Variants in IL17RD observed in about 807,000 individuals in gnomAD.
IL17RD encodes interleukin-17 receptor D.
Under a neutral mutation model 80.5 loss-of-function variants are expected in IL17RD, and 52 were observed. The ratio of observed to expected loss-of-function variants is 0.65; its 90% CI spans 0.52 to 0.81. The LOEUF is 0.81. IL17RD is among the 40% of genes least tolerant of loss of function. The pLI is 0.00. For synonymous variants in IL17RD, 416 were observed against 391.8 expected, an observed-to-expected ratio of 1.06 and a Z score of -0.73; for missense variants, 1,024 against 955.1, an observed-to-expected ratio of 1.07 and a Z score of -0.95.
intron 1 of IL17RD, among the ~76,000 whole-genome samples, chr3:57,154,696 C>G (rs2060256162): frequency 6.6e-6 from 1 of 152,172 alleles, no homozygotes; most frequent in African/African-American, 2.4e-5. Context: ...CATGCCAGCA[C>G]TGGGAACTCA....
At chr3:57,150,125 T>C (rs1708024402) in intron 1 of IL17RD, among the ~76,000 whole-genome samples, 1 of 152,140 alleles carries the variant, frequency 6.6e-6, no homozygotes, top group South Asian at 2.1e-4. Flanking sequence ...GGCCTTCCCC[T>C]GGAAATCCCA....
Position 57,111,893 on chromosome 3 carries a change from C to T in IL17RD, c.311-1582G>A, listed in dbSNP as rs144690899. 8.6e-3 allele frequency among the ~76,000 whole-genome samples: 1,293 copies of T among 150,198 alleles called. 18 individuals are homozygous for T. Among genetic ancestry groups the T allele is most frequent in the African/African-American group, 0.03 (1,224 of 40,810 alleles). The stretch of plus-strand genomic sequence containing the variant: ...AGGAGAATGGTGTGAACCTGGGAGG[C>T]GGAGCTTGCAGTGAGCTGAGATCAT... On this transcript the variant is annotated intron_variant, in intron 3 of 12. Transcript: ENST00000296318.
At chr3:57,124,659 T>C (rs758507726) in intron 1 of IL17RD, among the ~76,000 whole-genome samples, 31 of 152,164 alleles carry the variant, frequency 2.0e-4, no homozygotes, top group Non-Finnish European at 3.8e-4. Flanking sequence ...TTAAGATCCG[T>C]TTTAGAATTC....
intron 1 of IL17RD, among the ~76,000 whole-genome samples, chr3:57,142,724 G>A (rs1256718839): frequency 6.6e-6 from 1 of 151,986 alleles, no homozygotes; most frequent in Non-Finnish European, 1.5e-5. Flanking sequence ...AGACTTTGAA[G>A]GCCAAAAATT....
At position 57,091,030 on chromosome 3, in the gene IL17RD, A is replaced by G. The variant is rs1023845938; in HGVS notation, c.*5363T>C. The G allele has an allele frequency of 2.0e-5, 3 of 152,730 alleles. No homozygotes were observed. Among genetic ancestry groups the G allele is most frequent in the South Asian group, 2.1e-4 (1 of 4,830 alleles). 9.5% of individuals were successfully genotyped at this position (152,730 alleles called of 1,614,324 possible). A position where few individuals can be genotyped will look rare whatever the true frequency, so the allele number is the denominator to read the frequency against. ...GACAACTGGCCAAAATTCCCCAGACATCTTCACTGGGAGATTCAAATGTCT... is the reference window on the plus strand; with the variant it reads ...GACAACTGGCCAAAATTCCCCAGACGTCTTCACTGGGAGATTCAAATGTCT... On this transcript the variant is annotated 3_prime_UTR_variant, in exon 13 of 13. Transcript: ENST00000296318.
intron 3 of IL17RD, among the ~76,000 whole-genome samples, chr3:57,112,903 G>A (rs1579274564): frequency 6.6e-6 from 1 of 152,212 alleles, no homozygotes; most frequent in South Asian, 2.1e-4. Flanking sequence ...ACCAGGTTCT[G>A]ATCATGGTAA....
intron 3 of IL17RD, among the ~76,000 whole-genome samples, chr3:57,111,756 G>A (rs931678456): frequency 6.6e-6 from 1 of 151,666 alleles, no homozygotes; most frequent in Non-Finnish European, 1.5e-5. Flanking sequence ...GAATCACAAG[G>A]TCAGGAGATT....
intron 1 of IL17RD, among the ~76,000 whole-genome samples, chr3:57,154,281 T>TACACACACAC (rs1333665315): frequency 1.3e-4 from 17 of 133,126 alleles, no homozygotes; most frequent in African/African-American, 4.6e-4. Flanking sequence ...TATATATATA[T>TACACACACAC]ATACACACAC....
At chr3:57,113,961 G>A (rs1299714502) in intron 3 of IL17RD, among the ~76,000 whole-genome samples, 2 of 151,772 alleles carry the variant, frequency 1.3e-5, no homozygotes, top group Admixed American at 1.3e-4. Context: ...CGAGGCGGGC[G>A]GATCACGAGG....
At position 57,095,290 on chromosome 3, in the gene IL17RD, G is replaced by C. The variant is rs1706647509; in HGVS notation, c.*1103C>G. The C allele has an allele frequency of 6.6e-6, 1 of 152,122 alleles. No individual in the cohort carries two copies. Among genetic ancestry groups the C allele is most frequent in the Admixed American group, 6.5e-5 (1 of 15,268 alleles). 9.4% of individuals were successfully genotyped at this position (152,122 alleles called of 1,614,324 possible). A position where few individuals can be genotyped will look rare whatever the true frequency, so the allele number is the denominator to read the frequency against. ...ATCATCAGATGGGATGTGAACAATT[G>C]TTTTTTCTTTAGAAATAGAAACTCT... On this transcript the variant is annotated 3_prime_UTR_variant, in exon 13 of 13. Transcript: ENST00000296318.
chr3:57,165,461 C>T (rs1337168420), upstream of IL17RD: 1 of 377,802 alleles, frequency 2.6e-6, no homozygotes, highest in African/African-American at 2.2e-5. Flanking sequence ...TGGCCCCGCC[C>T]CCACAGCCTG....
chr3:57,144,346 A>G (rs1579309138), intron 1 of IL17RD, among the ~76,000 whole-genome samples: 1 of 152,128 alleles, frequency 6.6e-6, no homozygotes, highest in African/African-American at 2.4e-5. Flanking sequence ...CTAGCCGTTC[A>G]CCATCTCTTC....
At chr3:57,127,412 A>ATATATATTTTT (rs1246159104) in intron 1 of IL17RD, among the ~76,000 whole-genome samples, 5 of 91,190 alleles carry the variant, frequency 5.5e-5, no homozygotes, top group African/African-American at 2.4e-4. Flanking sequence ...ATATATATAT[A>ATATATATTTTT]TTTTTTTTTT....
intron 12 of IL17RD, among the ~76,000 whole-genome samples, chr3:57,096,984 G>A (rs1037420646): frequency 3.4e-5 from 5 of 148,356 alleles, no homozygotes; most frequent in Non-Finnish European, 4.4e-5. Context: ...CAGCCTGGGC[G>A]ACAGGGTGAG....
chr3:57,165,570 A>C (rs1264267878), upstream of IL17RD, among the ~76,000 whole-genome samples: 16 of 133,810 alleles, frequency 1.2e-4, no homozygotes, highest in African/African-American at 4.6e-4. Context: ...CTTCCCCCTC[A>C]CTTAGTAGAT....
chr3:57,097,394 A>G, intron 12 of IL17RD: 1 of 601,014 alleles, frequency 1.7e-6, no homozygotes, highest in Non-Finnish European at 3.0e-6. Context: ...GCTCACTATA[A>G]TTTAGCATTA....
chr3:57,110,429 G>A (rs1248105214), intron 3 of IL17RD, 118 bp from the exon 4 acceptor site: 5 of 1,110,866 alleles, frequency 4.5e-6, no homozygotes, highest in African/African-American at 1.6e-5. Context: ...AATTCTAACT[G>A]TGGCCAGGGT....
Position 57,114,691 on chromosome 3 carries a change from C to T in IL17RD, c.310+1G>A. The T allele has an allele frequency of 1.2e-6, 2 of 1,604,794 alleles. No homozygotes were observed. Among genetic ancestry groups the T allele is most frequent in the South Asian group, 1.1e-5 (1 of 88,958 alleles). ...CATGCACTCGATTTTTGACCACTCACCGAGGGCCCCTGGGGACCAAAGAAT... is the reference window on the plus strand; with the variant it reads ...CATGCACTCGATTTTTGACCACTCATCGAGGGCCCCTGGGGACCAAAGAAT... On this transcript the variant is annotated splice_donor_variant, in intron 3 of 12. Coordinates refer to ENST00000296318, the MANE Select transcript of IL17RD (RefSeq NM_017563.5). LOFTEE classifies it high-confidence loss of function.
chr3:57,097,912 A>C lies in IL17RD; in HGVS notation c.1791T>G (p.Pro597=), dbSNP rs1338000391. 6.2e-7 allele frequency: 1 copy of C among 1,614,028 alleles called. No homozygotes were observed. The highest frequency in any genetic ancestry group is 1.1e-5 in the South Asian group (1 of 91,086). Residue 597 remains proline, a synonymous_variant, in exon 12 of 13, where the codon CCT becomes CCG. Transcript: ENST00000296318. The stretch of plus-strand genomic sequence containing the variant: ...CTACCTTTAGGCAGAAGTCACTCTC[A>C]GGCCCTGGTTTGCACATGACATCAT... ...VLNDVMCKPG[P]ESDFCLKVEA... is the part of the protein sequence containing the mutation.
Sources: gnomAD v4.1 joint callset for allele counts (sites outside exome capture counted in the v4.1 genomes callset) on GRCh38, gnomAD v4.1.1 for gene constraint, MANE v1.5 for transcripts, NCBI Gene and HGNC (gene_info 2026-07-23, HGNC 2026-07-21) for gene names.